Variants in LPA observed in about 807,000 individuals in gnomAD.
The protein encoded by LPA is lipoprotein(a), also known as apolipoprotein(a).
A neutral mutation model predicts 197.9 loss-of-function variants in LPA; 199 were observed. The observed-to-expected ratio is 1.01, with a 90% confidence interval of 0.90 to 1.13. The LOEUF is 1.13. Among genes scored for constraint, LPA ranks in the 50% most tolerant of loss-of-function variants. The pLI is 0.00. For synonymous variants in LPA, 715 were observed against 639.5 expected, an observed-to-expected ratio of 1.12 and a Z score of -1.78; for missense variants, 1,853 against 1,785.8, an observed-to-expected ratio of 1.04 and a Z score of -0.68.
chr6:160,598,170 T>TCA (rs1339259048), intron 20 of LPA, among the ~76,000 whole-genome samples: 1 of 152,206 alleles, frequency 6.6e-6, no homozygotes, highest in Non-Finnish European at 1.5e-5. Flanking sequence ...TTTATTAAGC[T>TCA]CACTGTTCCC....
intron 2 of LPA, among the ~76,000 whole-genome samples, chr6:160,646,869 A>G (rs534602373): frequency 6.6e-6 from 1 of 151,402 alleles, no homozygotes; most frequent in African/African-American, 2.4e-5. Context: ...AGTTCTTCAG[A>G]GAAAACATGG....
chr6:160,577,572 C>T (rs1327583090), intron 27 of LPA, among the ~76,000 whole-genome samples: 1 of 152,202 alleles, frequency 6.6e-6, no homozygotes, highest in Non-Finnish European at 1.5e-5. Context: ...ATATGAATCT[C>T]TGCTGGTTTT....
chr6:160,611,455 T>C lies in LPA; in HGVS notation c.2603+107A>G, dbSNP rs1290469180. 2.1e-5 allele frequency: 32 copies of C among 1,540,982 alleles called. 1 individual carries two copies. The highest frequency in any genetic ancestry group is 2.8e-5 in the Non-Finnish European group (32 of 1,126,470). The stretch of plus-strand genomic sequence containing the variant: ...TCCTGAGACATTTTGCTACACCATC[T>C]GAATCTGACACAAGTTGAGTTCGGA... On this transcript the variant is annotated intron_variant, in intron 16 of 38. Coordinates refer to ENST00000316300, the MANE Select transcript of LPA (RefSeq NM_005577.4).
chr6:160,598,674 A>G (rs186724435), intron 20 of LPA, among the ~76,000 whole-genome samples: 68 of 152,180 alleles, frequency 4.5e-4, no homozygotes, highest in Admixed American at 2.9e-3. Context: ...GCTGACTCTC[A>G]TCTGCTTTCC....
chr6:160,557,497 A>C lies in LPA; in HGVS notation c.4706T>G (p.Val1569Gly), dbSNP rs376856673. 1.2e-5 allele frequency: 19 copies of C among 1,613,920 alleles called. No individual in the cohort carries two copies. Among genetic ancestry groups the C allele is most frequent in the Admixed American group, 1.7e-5 (1 of 59,980 alleles). Residue 1569 changes from valine (V) to glycine (G), a missense_variant, in exon 29 of 39, where the codon GTG becomes GGG. Val to Gly is a moderately radical substitution (Grantham distance 109). Coordinates refer to ENST00000316300, the MANE Select transcript of LPA (RefSeq NM_005577.4). ...TGTCAGATTGCAGTACTCCCACCTC[A>C]CACACGGATCGGTTGTGTAACACCA... ...QPWCYTTDPC[V>G]RWEYCNLTQC...
intron 30 of LPA, among the ~76,000 whole-genome samples, chr6:160,554,630 G>A (rs1307528820): frequency 6.6e-6 from 1 of 152,060 alleles, no homozygotes; most frequent in African/African-American, 2.4e-5. Context: ...CCAGTGCTAC[G>A]TGAGCTCTGG....
chr6:160,604,357 G>A (rs1779303178), intron 18 of LPA, among the ~76,000 whole-genome samples: 2 of 152,150 alleles, frequency 1.3e-5, no homozygotes, highest in African/African-American at 4.8e-5. Context: ...ACTACTGTCT[G>A]TTGTCCAACA....
rs1448632747 is a variant in LPA, at chr6:160,594,018, T to G, written c.3569A>C (p.Gln1190Pro). 6.2e-7 allele frequency: 1 copy of G among 1,614,000 alleles called. No homozygotes were observed. Among genetic ancestry groups the G allele is most frequent in the South Asian group, 1.1e-5 (1 of 91,080 alleles). Residue 1190 changes from glutamine (Q) to proline (P), a missense_variant, in exon 22 of 39, where the codon CAG becomes CCG. By Grantham distance (76) the Gln-to-Pro change is moderately conservative (BLOSUM62 -1). Transcript: ENST00000316300. ...GTGTGGTGTCATAGAGGACCAAGAC[T>G]GACATGTCCTTCCTGTGACAGTGGT... ...FSTTVTGRTC[Q>P]SWSSMTPHWH...
chr6:160,557,437 G>A lies in LPA; in HGVS notation c.4766C>T (p.Thr1589Ile). Reference protein sequence around the residue: ...CSETESGVLETPTVVPVPSME... With the variant: ...CSETESGVLEIPTVVPVPSME... Reference sequence around the variant, plus strand: ...GCTTGGAACTGGAACAACAGTGGGAGTCTCTAGGACACCTGATTCTGTTTC... The same window carrying A: ...GCTTGGAACTGGAACAACAGTGGGAATCTCTAGGACACCTGATTCTGTTTC... Residue 1589 changes from threonine to isoleucine, a missense_variant, in exon 29 of 39, where the codon ACT becomes ATT. By Grantham distance (89) the Thr-to-Ile change is moderately conservative. Transcript: ENST00000316300. 1 of 1,614,114 alleles carries A rather than the reference G, an allele frequency of 6.2e-7. No homozygotes were observed. The highest frequency in any genetic ancestry group is 2.2e-5 in the East Asian group (1 of 44,872).
At chr6:160,593,729 C>G (rs41271042) in intron 22 of LPA, among the ~76,000 whole-genome samples, 1 of 152,150 alleles carries the variant, frequency 6.6e-6, no homozygotes, top group African/African-American at 2.4e-5. Flanking sequence ...TTCATGAGAA[C>G]TCACCACCTT....
At chr6:160,586,940 G>T (rs148074835) in intron 24 of LPA, among the ~76,000 whole-genome samples, 4 of 152,254 alleles carry the variant, frequency 2.6e-5, no homozygotes, top group Middle Eastern at 3.4e-3. Flanking sequence ...CATTCCTTTG[G>T]ATTAACCGAG....
At chr6:160,550,501 A>T (rs73594872) in intron 30 of LPA, among the ~76,000 whole-genome samples, 2,768 of 152,298 alleles carry the variant, frequency 0.018, 87 homozygotes, top group African/African-American at 0.063. Flanking sequence ...AGTATAGTAT[A>T]TGAGGGAGGT....
intron 2 of LPA, 137 bp downstream of exon 2, chr6:160,650,201 T>C (rs1432525718): frequency 4.9e-6 from 4 of 812,824 alleles, no homozygotes; most frequent in Non-Finnish European, 6.3e-6. Flanking sequence ...TTGCTCAAAG[T>C]AATGTTTCTC....
At position 160,533,568 on chromosome 6, in the gene LPA, C is replaced by T. The variant is rs76856247; in HGVS notation, c.5843-919G>A. On this transcript the variant is annotated intron_variant, in intron 37 of 38. Coordinates refer to ENST00000316300, the MANE Select transcript of LPA (RefSeq NM_005577.4). ...TAAATTTCATTCTTATTCCTTATTA[C>T]TTTCTGAAGTCTCAGTTCCCATAAT... is the stretch of plus-strand genomic sequence containing the variant. Among the ~76,000 whole-genome samples, 1,463 of 152,298 alleles carry T rather than the reference C, an allele frequency of 9.6e-3. 25 individuals carry two copies. The highest frequency in any genetic ancestry group is 0.033 in the African/African-American group (1,373 of 41,556).
intron 22 of LPA, among the ~76,000 whole-genome samples, chr6:160,593,457 T>G (rs41272050): frequency 0.099 from 15,051 of 152,278 alleles, 951 homozygotes; most frequent in Non-Finnish European, 0.15. Flanking sequence ...GCCCCTCATG[T>G]GCTGGCAACA....
At chr6:160,532,294 G>C (rs992311894) in intron 38 of LPA, among the ~76,000 whole-genome samples, 1 of 152,110 alleles carries the variant, frequency 6.6e-6, no homozygotes, top group Non-Finnish European at 1.5e-5. Context: ...AGTGGCCTGA[G>C]GTAGTTATGG....
chr6:160,572,890 A>C (rs1469820889), intron 28 of LPA, among the ~76,000 whole-genome samples: 1 of 152,120 alleles, frequency 6.6e-6, no homozygotes, highest in African/African-American at 2.4e-5. Context: ...GCCTAGGCTA[A>C]GATCTTTTTG....
intron 31 of LPA, 139 bp downstream of exon 31, chr6:160,548,339 G>A: frequency 2.3e-6 from 2 of 871,068 alleles, no homozygotes; most frequent in Non-Finnish European, 3.6e-6. Context: ...CTTGGTCATG[G>A]CAGAACCTCA....
intron 1 of LPA, 140 bp from the exon 2 acceptor site, chr6:160,650,637 C>T: frequency 4.1e-6 from 3 of 738,020 alleles, no homozygotes; most frequent in Non-Finnish European, 7.1e-6. Flanking sequence ...GACAGACGTG[C>T]AAAAAACCAA....
Sources: allele counts gnomAD v4.1 joint callset (sites outside exome capture counted in the v4.1 genomes callset), GRCh38; gene constraint gnomAD v4.1.1; transcripts MANE v1.5; gene names NCBI Gene and HGNC (gene_info 2026-07-23, HGNC 2026-07-21).